HSP90AA1: variants seen among roughly 807,000 people sequenced by gnomAD.
The protein encoded by HSP90AA1 is heat shock protein HSP 90-alpha.
A neutral mutation model predicts 73.3 loss-of-function variants in HSP90AA1; 18 were observed. The observed-to-expected ratio is 0.25, with a 90% CI of 0.17 to 0.36. HSP90AA1 has a LOEUF of 0.36. Ranked by LOEUF, HSP90AA1 falls within the 10% of genes least tolerant of loss-of-function variation. The probability of loss-of-function intolerance (pLI) is 1.00; values close to 1 mark genes in which losing one functional copy is unlikely to be tolerated. For missense variants in HSP90AA1, 704 were observed against 874.2 expected (o/e 0.81, Z 2.45); for synonymous variants, 477 against 296.9 (o/e 1.61, Z -6.24).
intron 1 of HSP90AA1, among the ~76,000 whole-genome samples, chr14:102,136,567 C>CAAAAAA (rs1165638280): frequency 3.8e-5 from 2 of 53,240 alleles, no homozygotes; most frequent in Admixed American, 3.0e-4. Flanking sequence ...AGACTCGTCT[C>CAAAAAA]AAAAAAAAAA....
At chr14:102,139,146 A>C in intron 1 of HSP90AA1, 3 of 1,359,114 alleles carry the variant, frequency 2.2e-6, no homozygotes, top group Non-Finnish European at 3.1e-6. Flanking sequence ...CGCAGGAATT[A>C]GGATATCTGG....
Position 102,084,469 on chromosome 14 carries a change from G to A in HSP90AA1, c.1077C>T (p.Asn359=). The A allele has an allele frequency of 2.5e-6, 4 of 1,613,716 alleles. No homozygotes were observed. Among genetic ancestry groups the A allele is most frequent in the Non-Finnish European group, 2.5e-6 (3 of 1,179,614 alleles). The change falls in exon 6 of 11, where the codon AAC becomes AAT. Residue 359 remains asparagine (N), a synonymous_variant. Transcript: ENST00000216281. ...CTCTGCGTACATACAATTTGATGTT[G>A]TTCTTTTTCTTTCTGTTTTCAAACA... ...FDLFENRKKK[N]NIKLYVRRVF...
intron 1 of HSP90AA1, among the ~76,000 whole-genome samples, chr14:102,138,294 G>T (rs2050080422): frequency 6.6e-6 from 1 of 152,018 alleles, no homozygotes; most frequent in African/African-American, 2.4e-5. Context: ...GATGATTCAA[G>T]ATGCCACTAT....
At chr14:102,124,280 C>T (rs147378500) in intron 1 of HSP90AA1, among the ~76,000 whole-genome samples, 1,790 of 148,930 alleles carry the variant, frequency 0.012, 14 homozygotes, top group Middle Eastern at 0.044. Flanking sequence ...CAACCTCTGC[C>T]TCCTGGGTTC....
intron 1 of HSP90AA1, among the ~76,000 whole-genome samples, chr14:102,116,506 C>T (rs1342560914): frequency 6.6e-6 from 1 of 152,194 alleles, no homozygotes; most frequent in Non-Finnish European, 1.5e-5. Flanking sequence ...GTCCCCTGTG[C>T]TCCACGTTCC....
chr14:102,108,827 G>A (rs2049604127), intron 1 of HSP90AA1, among the ~76,000 whole-genome samples: 1 of 152,078 alleles, frequency 6.6e-6, no homozygotes, highest in Admixed American at 6.6e-5. Context: ...GAGCCACTGA[G>A]CCCAGCCCCT....
chr14:102,109,678 C>T (rs1223920940), intron 1 of HSP90AA1, among the ~76,000 whole-genome samples: 1 of 152,126 alleles, frequency 6.6e-6, no homozygotes, highest in Non-Finnish European at 1.5e-5. Flanking sequence ...TAAATTGTTA[C>T]CAGCAGAGTG....
intron 1 of HSP90AA1, among the ~76,000 whole-genome samples, chr14:102,137,007 A>C (rs1471398357): frequency 1.3e-5 from 2 of 152,084 alleles, no homozygotes; most frequent in Admixed American, 6.5e-5. Flanking sequence ...TGAGGTCAGG[A>C]GTTCGAGACC....
intron 1 of HSP90AA1, among the ~76,000 whole-genome samples, chr14:102,128,543 G>A (rs2049865411): frequency 6.6e-6 from 1 of 150,888 alleles, no homozygotes; most frequent in Admixed American, 6.7e-5. Flanking sequence ...GCAGGAGATT[G>A]CTTGAACCCA....
chr14:102,131,939 A>G (rs1208827510), intron 1 of HSP90AA1, among the ~76,000 whole-genome samples: 2 of 152,234 alleles, frequency 1.3e-5, no homozygotes, highest in Non-Finnish European at 2.9e-5. Flanking sequence ...TAGTCACTCA[A>G]AAATGTGAGA....
chr14:102,128,429 A>C (rs2049863910), intron 1 of HSP90AA1, among the ~76,000 whole-genome samples: 1 of 152,034 alleles, frequency 6.6e-6, no homozygotes, highest in African/African-American at 2.4e-5. Flanking sequence ...GGGGTTCGAG[A>C]CCAGCCTGGC....
At chr14:102,112,594 T>G (rs1402802572) in intron 1 of HSP90AA1, among the ~76,000 whole-genome samples, 2 of 152,154 alleles carry the variant, frequency 1.3e-5, no homozygotes, top group Non-Finnish European at 2.9e-5. Context: ...TCCTCCCACC[T>G]CAGCTTCCTG....
chr14:102,132,140 G>A (rs1316235745), intron 1 of HSP90AA1, among the ~76,000 whole-genome samples: 6 of 152,088 alleles, frequency 3.9e-5, no homozygotes, highest in South Asian at 4.1e-4. Context: ...AGGCCGAGAC[G>A]GGCAGATCAC....
intron 1 of HSP90AA1, among the ~76,000 whole-genome samples, chr14:102,128,221 G>A (rs924562936): frequency 1.3e-5 from 2 of 152,166 alleles, no homozygotes; most frequent in Non-Finnish European, 2.9e-5. Flanking sequence ...GCTGGGCACG[G>A]TGGCTCACAC....
At position 102,084,948 on chromosome 14, in the gene HSP90AA1, C is replaced by G. The variant is rs753674445; in HGVS notation, c.714G>C (p.Lys238Asn). 6.2e-7 allele frequency: 1 copy of G among 1,604,174 alleles called. No homozygotes were observed. Residue 238 changes from lysine to asparagine, a missense_variant, in exon 5 of 11, where the codon AAG becomes AAC. Transcript: ENST00000216281. ...KEVSDDEAEE[K>N]EDKEEEKEKE... ...TTTCTTTTTCTTCTTCTTTGTCTTC[C>G]TTTTCTTCAGCCTCATCATCGCTTA...
intron 1 of HSP90AA1, among the ~76,000 whole-genome samples, chr14:102,111,618 C>T (rs971545628): frequency 5.9e-5 from 9 of 152,194 alleles, no homozygotes; most frequent in African/African-American, 1.9e-4. Flanking sequence ...TAAATTGAAA[C>T]CCTGCATGTC....
Position 102,084,418 on chromosome 14 carries a change from C to T in HSP90AA1, c.1128G>A (p.Glu376=), listed in dbSNP as rs745380359. ...RRVFIMDNCE[E]LIPEYLNFIR... Reference sequence around the variant, plus strand: ...ACTTACTCAGATATTCAGGGATTAGCTCCTCACAGTTATCCATGATGAAAA... The same window carrying T: ...ACTTACTCAGATATTCAGGGATTAGTTCCTCACAGTTATCCATGATGAAAA... The change falls in exon 6 of 11, where the codon GAG becomes GAA. Residue 376 remains glutamate, a synonymous_variant. Coordinates refer to ENST00000216281, the MANE Select transcript of HSP90AA1 (RefSeq NM_005348.4). 5.6e-6 allele frequency: 9 copies of T among 1,612,724 alleles called. No homozygotes were observed. The highest frequency in any genetic ancestry group is 7.6e-6 in the Non-Finnish European group (9 of 1,178,724).
chr14:102,088,574 C>T (rs2049304105), upstream of HSP90AA1, among the ~76,000 whole-genome samples: 1 of 152,220 alleles, frequency 6.6e-6, no homozygotes, highest in African/African-American at 2.4e-5. Context: ...GCGCGGGCCC[C>T]AGCGGTGGTG....
upstream of HSP90AA1, among the ~76,000 whole-genome samples, chr14:102,087,448 C>T (rs1021688987): frequency 1.3e-5 from 2 of 151,814 alleles, no homozygotes; most frequent in African/African-American, 2.4e-5. Context: ...TGTAGTTGGT[C>T]ACCCGGGCTG....
Sources: gnomAD v4.1 joint callset for allele counts (sites outside exome capture counted in the v4.1 genomes callset) on GRCh38, gnomAD v4.1.1 for gene constraint, MANE v1.5 for transcripts, NCBI Gene and HGNC (gene_info 2026-07-23, HGNC 2026-07-21) for gene names.